Variants in SUCLG2 observed in about 807,000 individuals in gnomAD.
The protein encoded by SUCLG2 is succinate-CoA ligase GDP-forming subunit beta, also known as succinate--CoA ligase [GDP-forming] subunit beta, mitochondrial.
In SUCLG2, 42 loss-of-function variants were observed where a neutral mutation model predicts 47.9. The observed-to-expected ratio is 0.88, with a 90% CI of 0.69 to 1.14. The LOEUF is 1.14. Ranked by LOEUF, SUCLG2 falls within the 50% of genes most tolerant of loss-of-function variation. The pLI is 0.00. For missense variants in SUCLG2, 571 were observed against 525.9 expected (o/e 1.09, Z -0.84); for synonymous variants, 195 against 197.3 (o/e 0.99, Z 0.10).
At chr3:67,654,360 C>G (rs1701345836) in intron 1 of SUCLG2, 143 bp downstream of exon 1, 1 of 601,252 alleles carries the variant, frequency 1.7e-6, no homozygotes, top group Non-Finnish European at 2.4e-6. Context: ...GCGCCTGGAC[C>G]CGGCGCCGCG....
chr3:67,397,997 T>C (rs971441458), intron 10 of SUCLG2, among the ~76,000 whole-genome samples: 4 of 150,376 alleles, frequency 2.7e-5, no homozygotes, highest in African/African-American at 7.3e-5. Context: ...ATCCCTTCCT[T>C]ACACCTTATA....
At chr3:67,416,905 C>T (rs916115108) in intron 9 of SUCLG2, among the ~76,000 whole-genome samples, 1 of 151,960 alleles carries the variant, frequency 6.6e-6, no homozygotes, top group Non-Finnish European at 1.5e-5. Flanking sequence ...GACAGGTATC[C>T]ACTAGAGGCC....
chr3:67,597,531 C>A (rs1358459988), intron 2 of SUCLG2, among the ~76,000 whole-genome samples: 1 of 152,190 alleles, frequency 6.6e-6, no homozygotes, highest in Non-Finnish European at 1.5e-5. Flanking sequence ...CTCGTCCTCC[C>A]TATCTATTTC....
At chr3:67,498,331 T>C in intron 7 of SUCLG2, 36 bp from the exon 8 acceptor site, 5 of 1,599,774 alleles carry the variant, frequency 3.1e-6, no homozygotes, top group Non-Finnish European at 4.3e-6. Flanking sequence ...CTTGAATATC[T>C]CTTGAGGATC....
At chr3:67,606,858 T>C (rs560029459) in intron 2 of SUCLG2, among the ~76,000 whole-genome samples, 2 of 152,370 alleles carry the variant, frequency 1.3e-5, no homozygotes, top group African/African-American at 2.4e-5. Flanking sequence ...TAGTACATGG[T>C]TGACCCTCGA....
intron 9 of SUCLG2, among the ~76,000 whole-genome samples, chr3:67,466,932 A>G (rs1326906899): frequency 6.6e-6 from 1 of 152,234 alleles, no homozygotes; most frequent in Admixed American, 6.5e-5. Context: ...TTTCTCACAT[A>G]AATCCTTGAC....
intron 9 of SUCLG2, among the ~76,000 whole-genome samples, chr3:67,458,091 G>A (rs547675106): frequency 2.0e-5 from 3 of 152,090 alleles, no homozygotes; most frequent in South Asian, 4.2e-4. Flanking sequence ...GAGACAGAGG[G>A]GCCTTCAACA....
intron 9 of SUCLG2, among the ~76,000 whole-genome samples, chr3:67,418,839 G>T (rs897041571): frequency 6.6e-6 from 1 of 152,074 alleles, no homozygotes; most frequent in African/African-American, 2.4e-5. Flanking sequence ...AAACGGCCTG[G>T]ACCTCTCCTG....
At chr3:67,418,999 G>T (rs1164014565) in intron 9 of SUCLG2, among the ~76,000 whole-genome samples, 1 of 151,650 alleles carries the variant, frequency 6.6e-6, no homozygotes, top group African/African-American at 2.4e-5. Context: ...AAAAAAAAAA[G>T]GTCTGCACAA....
chr3:67,533,957 AC>A (rs1433111524), intron 2 of SUCLG2, among the ~76,000 whole-genome samples: 5 of 151,158 alleles, frequency 3.3e-5, no homozygotes, highest in African/African-American at 4.8e-5. Flanking sequence ...ATTAGAATAA[AC>A]CATTTCACCA....
At chr3:67,446,509 C>A (rs1437945280) in intron 9 of SUCLG2, among the ~76,000 whole-genome samples, 4 of 134,762 alleles carry the variant, frequency 3.0e-5, no homozygotes, top group African/African-American at 1.1e-4. Flanking sequence ...CCGCTAACTG[C>A]AACCTCCACC....
chr3:67,428,959 C>T (rs937782708), intron 9 of SUCLG2, among the ~76,000 whole-genome samples: 11 of 151,998 alleles, frequency 7.2e-5, no homozygotes, highest in East Asian at 1.9e-4. Context: ...TGTGAAAAGA[C>T]CAAATCTATG....
chr3:67,495,952 A>T lies in SUCLG2; in HGVS notation c.920-12T>A. The T allele has an allele frequency of 1.1e-5, 17 of 1,613,814 alleles. No individual in the cohort carries two copies. The highest frequency in any genetic ancestry group is 1.4e-5 in the Non-Finnish European group (17 of 1,179,828). On this transcript the variant is annotated splice_polypyrimidine_tract_variant and intron_variant, in intron 8 of 10. Transcript: ENST00000307227. ...CCCAGCACCATTCACTGTGAAATGC[A>T]AATGGGACACAAGACAGGCTACATT...
At chr3:67,598,125 C>A (rs566044569) in intron 2 of SUCLG2, among the ~76,000 whole-genome samples, 1 of 151,930 alleles carries the variant, frequency 6.6e-6, no homozygotes, top group Non-Finnish European at 1.5e-5. Context: ...GGACTACAGG[C>A]GCATGCCGCC....
At chr3:67,439,152 A>G (rs1409212210) in intron 9 of SUCLG2, among the ~76,000 whole-genome samples, 2 of 152,244 alleles carry the variant, frequency 1.3e-5, no homozygotes, top group African/African-American at 4.8e-5. Flanking sequence ...GATTATCTCA[A>G]TAGATGCAGA....
chr3:67,630,483 T>C (rs956372896), intron 1 of SUCLG2, among the ~76,000 whole-genome samples: 2 of 152,258 alleles, frequency 1.3e-5, no homozygotes, highest in Non-Finnish European at 2.9e-5. Context: ...GGATAAATGA[T>C]TTAAATATGG....
intron 10 of SUCLG2, among the ~76,000 whole-genome samples, chr3:67,391,975 C>T (rs1039853870): frequency 2.0e-5 from 3 of 152,212 alleles, no homozygotes; most frequent in Non-Finnish European, 2.9e-5. Flanking sequence ...TCTGTTGCTG[C>T]TGTCATTGGA....
intron 1 of SUCLG2, among the ~76,000 whole-genome samples, chr3:67,629,378 G>T (rs1170925582): frequency 2.6e-5 from 4 of 152,114 alleles, no homozygotes; most frequent in African/African-American, 9.7e-5. Context: ...CACTGCTCAG[G>T]TTCAATAAGT....
intron 1 of SUCLG2, among the ~76,000 whole-genome samples, chr3:67,642,868 C>T (rs114469603): frequency 0.012 from 1,873 of 150,742 alleles, 35 homozygotes; most frequent in African/African-American, 0.042. Flanking sequence ...TGTGTGTTAT[C>T]CAGACACCAT....
Sources: gnomAD v4.1 joint callset for allele counts (sites outside exome capture counted in the v4.1 genomes callset) on GRCh38, gnomAD v4.1.1 for gene constraint, MANE v1.5 for transcripts, NCBI Gene and HGNC (gene_info 2026-07-23, HGNC 2026-07-21) for gene names.